Variants in IPO9 observed in about 807,000 individuals in gnomAD.
IPO9 encodes importin-9.
Under a neutral mutation model 128.6 loss-of-function variants are expected in IPO9, and 28 were observed. The observed-to-expected ratio is 0.22, with a 90% CI of 0.16 to 0.30. The LOEUF (loss-of-function observed/expected upper bound fraction) is 0.30, where lower values mean the gene tolerates loss of function less well. Among genes scored for constraint, IPO9 ranks in the 10% least tolerant of loss-of-function variants. The pLI is 1.00. For missense variants in IPO9, 935 were observed against 1,293.9 expected (o/e 0.72, Z 4.26); for synonymous variants, 455 against 475.8 (o/e 0.96, Z 0.57).
chr1:201,876,006 C>A lies in IPO9; in HGVS notation c.3078C>A (p.Gly1026=), dbSNP rs757694494. 5.6e-6 allele frequency: 9 copies of A among 1,613,932 alleles called. No individual in the cohort carries two copies. The highest frequency in any genetic ancestry group is 7.6e-6 in the Non-Finnish European group (9 of 1,179,784). The change falls in exon 24 of 24, where the codon GGC becomes GGA. Residue 1026 remains glycine, a synonymous_variant. Transcript: ENST00000361565. ...AQQPCYIMFS[G]HLNDNERRVL... ...AGCCCTGCTACATAATGTTTTCAGG[C>A]CACCTTAATGACAATGAGAGGCGAG...
intron 4 of IPO9, among the ~76,000 whole-genome samples, chr1:201,849,962 A>G (rs1680187322): frequency 6.6e-6 from 1 of 152,220 alleles, no homozygotes; most frequent in South Asian, 2.1e-4. Context: ...TCATAGTGCC[A>G]GGATATCAAT....
At chr1:201,863,417 C>G (rs202182268) in intron 13 of IPO9, 31 bp from the exon 14 acceptor site, 33 of 1,515,200 alleles carry the variant, frequency 2.2e-5, no homozygotes, top group Non-Finnish European at 3.0e-5. Context: ...TTTTCATTTT[C>G]CAGCCCCTAA....
chr1:201,853,041 G>A lies in IPO9; in HGVS notation c.634G>A (p.Val212Met), dbSNP rs191541517. Residue 212 changes from valine (V) to methionine (M), a missense_variant, in exon 6 of 24, where the codon GTG (valine) becomes ATG (methionine). Physicochemically the swap from Val to Met is conservative, Grantham distance 21. This residue lies in a region of IPO9 where 741 missense variants were observed against 1,019.1 expected (regional missense o/e 0.73). Coordinates refer to ENST00000361565, the MANE Select transcript of IPO9 (RefSeq NM_018085.5). The part of the protein sequence containing the change: ...VYGIRTRSRA[V>M]EIFTTCAHMI... ...TGGTATTCGAACCCGTTCCCGAGCC[G>A]TGGAGATTTTTACCACTTGTGCCCA... 15 of 1,614,086 alleles carry A rather than the reference G, an allele frequency of 9.3e-6. No homozygotes were observed. In the East Asian group the frequency reaches 1.1e-4, roughly 12 times the overall value.
At chr1:201,868,878 C>T in intron 16 of IPO9, 82 bp downstream of exon 16, 1 of 1,456,842 alleles carries the variant, frequency 6.9e-7, no homozygotes, top group Non-Finnish European at 9.1e-7. Context: ...TGACAAGAAC[C>T]TAATAGCGTT....
At chr1:201,846,176 C>G (rs939546256) in intron 1 of IPO9, among the ~76,000 whole-genome samples, 3 of 152,192 alleles carry the variant, frequency 2.0e-5, no homozygotes, top group South Asian at 2.1e-4. Context: ...GAGTTACTTA[C>G]AGCCTCCCAA....
At position 201,874,238 on chromosome 1, in the gene IPO9, C is replaced by A. The variant is rs201562820; in HGVS notation, c.2711-12C>A. The A allele has an allele frequency of 6.2e-7, 1 of 1,613,172 alleles. No homozygotes were observed. The highest frequency in any genetic ancestry group is 2.2e-5 in the East Asian group (1 of 44,884). ...TGACACTCTGACTTGAAACCTTTTTCTTCCTTCCCAGACCCAGAACGCTGG... is the reference window on the plus strand; with the variant it reads ...TGACACTCTGACTTGAAACCTTTTTATTCCTTCCCAGACCCAGAACGCTGG... On this transcript the variant is annotated splice_polypyrimidine_tract_variant and intron_variant, in intron 20 of 23. Coordinates refer to ENST00000361565, the MANE Select transcript of IPO9 (RefSeq NM_018085.5).
chr1:201,851,533 G>T (rs1680218798), intron 4 of IPO9, among the ~76,000 whole-genome samples: 2 of 151,362 alleles, frequency 1.3e-5, no homozygotes, highest in Non-Finnish European at 1.5e-5. Flanking sequence ...CTCATTCTGT[G>T]TATAGGTTGC....
At chr1:201,837,037 G>A (rs1394675113) in intron 1 of IPO9, among the ~76,000 whole-genome samples, 4 of 152,186 alleles carry the variant, frequency 2.6e-5, no homozygotes, top group African/African-American at 9.7e-5. Flanking sequence ...GCTTTTAGAA[G>A]GAGTCCATCT....
chr1:201,848,336 G>A (rs1361891268), intron 3 of IPO9, 57 bp from the exon 4 acceptor site: 2 of 1,447,228 alleles, frequency 1.4e-6, no homozygotes, highest in Non-Finnish European at 1.9e-6. Flanking sequence ...ATTGAACTGG[G>A]CTCTGCCAGT....
At chr1:201,875,590 CAA>C (rs34369530) in intron 23 of IPO9, among the ~76,000 whole-genome samples, 10 of 134,538 alleles carry the variant, frequency 7.4e-5, no homozygotes, top group Admixed American at 2.3e-4. Context: ...ACCCTGTGTT[CAA>C]AAAAAAAAAA....
chr1:201,835,202 T>C (rs1409253635), intron 1 of IPO9: 2 of 152,278 alleles, frequency 1.3e-5, no homozygotes, highest in East Asian at 1.9e-4. Context: ...ACAATTCTTA[T>C]TAGTTGACTG....
chr1:201,847,008 GTGT>G (rs1398918867), intron 1 of IPO9, among the ~76,000 whole-genome samples: 3 of 152,224 alleles, frequency 2.0e-5, no homozygotes, highest in African/African-American at 7.2e-5. Flanking sequence ...TAAGAGGAAG[GTGT>G]TGTCATCTTG....
intron 1 of IPO9, among the ~76,000 whole-genome samples, chr1:201,831,938 G>T (rs1679841932): frequency 6.6e-6 from 1 of 152,046 alleles, no homozygotes; most frequent in African/African-American, 2.4e-5. Flanking sequence ...GTCTCAGTCT[G>T]TCGCCCAGGC....
intron 9 of IPO9, 69 bp from the exon 10 acceptor site, chr1:201,855,714 C>T (rs1342787443): frequency 7.4e-7 from 1 of 1,359,906 alleles, no homozygotes; most frequent in Non-Finnish European, 1.0e-6. Context: ...TTATGTAGTT[C>T]ATTTTCTGCA....
At chr1:201,859,180 A>AATATATATATATATATATATATAT (rs148348918) in intron 13 of IPO9, among the ~76,000 whole-genome samples, 186 bp downstream of exon 13, 5 of 83,446 alleles carry the variant, frequency 6.0e-5, no homozygotes, top group African/African-American at 2.0e-4. Context: ...CTCAAAGTAT[A>AATATATATATATATATATATATAT]ATATATATAT....
chr1:201,847,296 G>T lies in IPO9; in HGVS notation c.181G>T (p.Ala61Ser). The part of the protein sequence containing the change: ...EVTEEFGVHL[A>S]ELTVDPQGAL... ...TCTTTCAGAATTTGGTGTTCACTTG[G>T]CAGAACTGACTGTAGATCCCCAGGG... The change falls in exon 2 of 24, where the codon GCA becomes TCA. Residue 61 changes from alanine (A) to serine (S), a missense_variant. Physicochemically the swap from Ala to Ser is moderately conservative, Grantham distance 99. This residue lies in a region of IPO9 where 741 missense variants were observed against 1,019.1 expected (regional missense o/e 0.73). Coordinates refer to ENST00000361565, the MANE Select transcript of IPO9 (RefSeq NM_018085.5). 6.2e-7 allele frequency: 1 copy of T among 1,613,978 alleles called. No individual in the cohort carries two copies. The highest frequency in any genetic ancestry group is 1.3e-5 in the African/African-American group (1 of 75,016).
rs1680613605 is a variant in IPO9 at position 201,869,711 on chromosome 1, C to T, written c.2126C>T (p.Thr709Ile). 1 of 1,614,110 alleles carries T rather than the reference C, an allele frequency of 6.2e-7. No homozygotes were observed. The change falls in exon 17 of 24, where the codon ACC (threonine) becomes ATC (isoleucine). Residue 709 changes from threonine to isoleucine, a missense_variant. By Grantham distance (89) the Thr-to-Ile change is moderately conservative. Transcript: ENST00000361565. ...QCTLHTDDNA[T>I]MQNGGECLRA... ...ACCCTTCACACAGATGACAATGCCA[C>T]CATGCAGGTATCTGAGACATGGAGA...
chr1:201,854,297 T>C (rs1282444853), intron 6 of IPO9, among the ~76,000 whole-genome samples: 1 of 152,234 alleles, frequency 6.6e-6, no homozygotes, highest in Non-Finnish European at 1.5e-5. Context: ...TATGGCCCTC[T>C]TGTGTGAAGC....
At chr1:201,841,052 A>T (rs1470642100) in intron 1 of IPO9, among the ~76,000 whole-genome samples, 1 of 152,214 alleles carries the variant, frequency 6.6e-6, no homozygotes, top group Non-Finnish European at 1.5e-5. Context: ...ACCAAAAATA[A>T]ATAAATAATT....
Sources: gnomAD v4.1 joint callset for allele counts (sites outside exome capture counted in the v4.1 genomes callset) on GRCh38, gnomAD v4.1.1 for gene constraint, gnomAD v4.1.1 regional missense constraint, MANE v1.5 for transcripts, NCBI Gene and HGNC (gene_info 2026-07-23, HGNC 2026-07-21) for gene names.